The following UPF2 variants were observed in gnomAD, a reference collection of about 807,000 sequenced individuals.
UPF2 encodes the protein UPF2 regulator of nonsense mediated mRNA decay.
In UPF2, 17 loss-of-function variants were observed where a neutral mutation model predicts 141.4. The observed-to-expected ratio is 0.12, with a 90% confidence interval of 0.08 to 0.18. The LOEUF is 0.18. UPF2 is among the 10% of genes least tolerant of loss of function. UPF2 has a pLI of 1.00. For missense variants in UPF2, 1,152 were observed against 1,515.9 expected, an observed-to-expected ratio of 0.76 and a Z score of 3.99; for synonymous variants, 540 against 498.0, an observed-to-expected ratio of 1.08 and a Z score of -1.12.
At chr10:12,013,766 G>A (rs1288608692) in intron 4 of UPF2, among the ~76,000 whole-genome samples, 1 of 151,978 alleles carries the variant, frequency 6.6e-6, no homozygotes, top group Non-Finnish European at 1.5e-5. Flanking sequence ...CTTTATTTAA[G>A]AAAAGTTTTT....
chr10:12,035,110 T>G lies in UPF2; in HGVS notation c.314A>C (p.Gln105Pro). 6.3e-7 allele frequency: 1 copy of G among 1,588,318 alleles called. No individual in the cohort carries two copies. The highest frequency in any genetic ancestry group is 2.2e-5 in the East Asian group (1 of 44,794). The change falls in exon 2 of 22, where the codon CAA becomes CCA. Residue 105 changes from glutamine (Q) to proline (P), a missense_variant. By Grantham distance (76) the Gln-to-Pro change is moderately conservative. This residue lies in a region of UPF2 where 145 missense variants were observed against 136.5 expected (regional missense o/e 1.06). Transcript: ENST00000357604. ...KKHQEEERKK[Q>P]EEQAKRQQEE... is the part of the protein sequence containing the mutation. ...TTGCTGACGTTTGGCCTGCTCTTCTTGCTTCTTTCTCTCTTCCTCTTGATG... is the reference window on the plus strand; with the variant it reads ...TTGCTGACGTTTGGCCTGCTCTTCTGGCTTCTTTCTCTCTTCCTCTTGATG...
intron 16 of UPF2, among the ~76,000 whole-genome samples, chr10:11,947,779 C>T (rs2131177994): frequency 8.8e-6 from 1 of 113,776 alleles, no homozygotes; most frequent in South Asian, 2.9e-4. Context: ...AGAGAGAAAC[C>T]TTGTCTCAAA....
At chr10:11,984,475 T>C (rs1205157681) in intron 8 of UPF2, among the ~76,000 whole-genome samples, 1 of 152,194 alleles carries the variant, frequency 6.6e-6, no homozygotes, top group East Asian at 1.9e-4. Context: ...TCTAAAACTT[T>C]TATCTTAGTT....
At chr10:11,986,845 T>C (rs1454828184) in intron 8 of UPF2, among the ~76,000 whole-genome samples, 1 of 152,098 alleles carries the variant, frequency 6.6e-6, no homozygotes, top group Non-Finnish European at 1.5e-5. Flanking sequence ...CAGTTCCAAA[T>C]TGAGTGAAGG....
intron 11 of UPF2, among the ~76,000 whole-genome samples, chr10:11,960,713 T>C (rs1209625362): frequency 6.6e-6 from 1 of 151,984 alleles, no homozygotes; most frequent in East Asian, 1.9e-4. Flanking sequence ...AAGGCCGCAG[T>C]GAGCTATGAT....
At chr10:11,923,510 G>C (rs531501924) in intron 21 of UPF2, among the ~76,000 whole-genome samples, 1 of 151,948 alleles carries the variant, frequency 6.6e-6, no homozygotes, top group African/African-American at 2.4e-5. Flanking sequence ...GTGAAACCCC[G>C]TCTCTACTAG....
chr10:11,934,192 C>A (rs1318930761), intron 19 of UPF2, among the ~76,000 whole-genome samples: 1 of 152,166 alleles, frequency 6.6e-6, no homozygotes, highest in Admixed American at 6.5e-5. Context: ...ATTAAATAGT[C>A]CCTAGAAAAG....
intron 1 of UPF2, among the ~76,000 whole-genome samples, chr10:12,036,791 C>T (rs1564375573): frequency 6.6e-6 from 1 of 152,206 alleles, no homozygotes. Flanking sequence ...TTTGGAAGGC[C>T]AAGGCAGGCA....
In UPF2 at chr10:11,920,543, T is replaced by C. The variant is rs193267820; in HGVS notation, c.*755A>G. 3.0e-3 allele frequency: 467 copies of C among 156,998 alleles called. 4 individuals are homozygous for C. The highest frequency in any genetic ancestry group is 0.011 in the African/African-American group (451 of 41,600). The allele number at this position is 156,998 out of a possible 1,614,324, so 9.7% of individuals were successfully genotyped here. On this transcript the variant is annotated 3_prime_UTR_variant, in exon 22 of 22. Coordinates refer to ENST00000357604, the MANE Select transcript of UPF2 (RefSeq NM_015542.4). Reference sequence around the variant, plus strand: ...GATACTTACAATGGGCTCACCTAGATCCCTGTTCTTGGGCTGGTATCACTT... The same window carrying C: ...GATACTTACAATGGGCTCACCTAGACCCCTGTTCTTGGGCTGGTATCACTT...
At chr10:11,947,737 T>C (rs1410401567) in intron 16 of UPF2, among the ~76,000 whole-genome samples, 2 of 133,290 alleles carry the variant, frequency 1.5e-5, no homozygotes, top group Non-Finnish European at 3.0e-5. Context: ...CAGTGAACTA[T>C]GATCACACCA....
intron 8 of UPF2, among the ~76,000 whole-genome samples, chr10:11,995,051 A>G (rs1833844427): frequency 6.6e-6 from 1 of 151,752 alleles, no homozygotes; most frequent in Non-Finnish European, 1.5e-5. Flanking sequence ...CAAACCAACA[A>G]TCGGAATATG....
At position 11,956,232 on chromosome 10, in the gene UPF2, T is replaced by C; in HGVS notation, c.2574+88A>G. 7 of 1,183,094 alleles carry C rather than the reference T, an allele frequency of 5.9e-6. No individual in the cohort carries two copies. In the South Asian group the frequency reaches 9.4e-5, roughly 16 times the overall value. The allele number at this position is 1,183,094 out of a possible 1,614,324, so 73.3% of individuals were successfully genotyped here. A position where few individuals can be genotyped will look rare whatever the true frequency, so the allele number is the denominator to read the frequency against. ...TTTTCTAACTAATAAATTTACAGAT[T>C]CCTATAACTTGAGTCTCAATAGTAA... On this transcript the variant is annotated intron_variant, in intron 13 of 21. Transcript: ENST00000357604. The surrounding 1 kb of genome is among the most constrained non-coding windows in gnomAD (Gnocchi z 4.2).
chr10:12,040,920 T>G (rs533887501), intron 1 of UPF2, among the ~76,000 whole-genome samples: 1 of 152,364 alleles, frequency 6.6e-6, no homozygotes, highest in East Asian at 1.9e-4. Context: ...ATAAAGACTA[T>G]TAGATTTTAT....
chr10:11,933,345 A>T (rs1334824185), intron 19 of UPF2, among the ~76,000 whole-genome samples: 1 of 152,222 alleles, frequency 6.6e-6, no homozygotes. Context: ...TGTTTCTTCA[A>T]ATAATGTTCC....
chr10:11,942,488 T>C (rs1832948785), intron 18 of UPF2, among the ~76,000 whole-genome samples, 177 bp downstream of exon 18: 2 of 152,134 alleles, frequency 1.3e-5, no homozygotes, highest in Non-Finnish European at 2.9e-5. Context: ...CTCATGCAAA[T>C]CAGGATGTGG....
In UPF2 at chr10:11,959,501, T is replaced by C; in HGVS notation, c.2185-145A>G. ...AGGACTGGGCACTGTGGCTCACACC[T>C]ATAATCCCAGCACTTTGGGAGACTG... On this transcript the variant is annotated intron_variant, in intron 11 of 21. Coordinates refer to ENST00000357604, the MANE Select transcript of UPF2 (RefSeq NM_015542.4). This position sits in a 1 kb window ranked among gnomAD's most constrained non-coding sequence, Gnocchi z 5.9. The C allele has an allele frequency of 1.2e-6, 1 of 815,064 alleles. No homozygotes were observed. Among genetic ancestry groups the C allele is most frequent in the African/African-American group, 1.7e-5 (1 of 57,298 alleles). The allele number at this position is 815,064 out of a possible 1,614,324, so 50.5% of individuals were successfully genotyped here. A position where few individuals can be genotyped will look rare whatever the true frequency, so the allele number is the denominator to read the frequency against.
intron 8 of UPF2, among the ~76,000 whole-genome samples, chr10:11,995,560 G>A (rs781299356): frequency 3.9e-5 from 6 of 152,162 alleles, no homozygotes; most frequent in South Asian, 2.1e-4. Flanking sequence ...TGAGGCAGGC[G>A]GATCACGAAG....
intron 16 of UPF2, among the ~76,000 whole-genome samples, chr10:11,943,647 C>T (rs998189433): frequency 2.0e-5 from 3 of 152,170 alleles, no homozygotes; most frequent in Non-Finnish European, 2.9e-5. Flanking sequence ...ATTTTGTTTG[C>T]TCTACCCAAG....
At position 11,956,624 on chromosome 10, in the gene UPF2, A is replaced by G. The variant is rs998474635; in HGVS notation, c.2371-101T>C. 22 of 1,029,764 alleles carry G rather than the reference A, an allele frequency of 2.1e-5. No homozygotes were observed. Among genetic ancestry groups the G allele is most frequent in the Admixed American group, 7.4e-5 (3 of 40,706 alleles). The allele number at this position is 1,029,764 out of a possible 1,614,324, so 63.8% of individuals were successfully genotyped here. A position where few individuals can be genotyped will look rare whatever the true frequency, so the allele number is the denominator to read the frequency against. ...TATGATTGCGCAGAGAACTTTTGAAATAGAAAATACATTAGAAATCCTCTA... is the reference window on the plus strand; with the variant it reads ...TATGATTGCGCAGAGAACTTTTGAAGTAGAAAATACATTAGAAATCCTCTA... On this transcript the variant is annotated intron_variant, in intron 12 of 21. Transcript: ENST00000357604. The surrounding 1 kb of genome is among the most constrained non-coding windows in gnomAD (Gnocchi z 4.2).
Sources: gnomAD v4.1 joint callset for allele counts (sites outside exome capture counted in the v4.1 genomes callset) on GRCh38, gnomAD v4.1.1 for gene constraint, gnomAD v4.1.1 regional missense constraint, Gnocchi (gnomAD v3.1) non-coding constraint, MANE v1.5 for transcripts, NCBI Gene and HGNC (gene_info 2026-07-23, HGNC 2026-07-21) for gene names.